Variants in NID2 observed in about 807,000 individuals in gnomAD.
NID2 encodes the protein nidogen 2, also known as nidogen-2.
A neutral mutation model predicts 145.4 loss-of-function variants in NID2; 83 were observed. That is an observed-to-expected ratio of 0.57 (90% CI 0.48 to 0.69). The LOEUF (loss-of-function observed/expected upper bound fraction) is 0.69, where lower values mean the gene tolerates loss of function less well. NID2 is among the 30% of genes least tolerant of loss of function. The pLI is 0.00. For synonymous variants in NID2, 739 were observed against 701.3 expected (o/e 1.05, Z -0.85); for missense variants, 1,807 against 1,765.7 (o/e 1.02, Z -0.42).
chr14:52,044,191 C>CCAT (rs1892391329), intron 5 of NID2, among the ~76,000 whole-genome samples: 1 of 151,912 alleles, frequency 6.6e-6, no homozygotes, highest in Non-Finnish European at 1.5e-5. Flanking sequence ...ATAAAGACCT[C>CCAT]CATCAGCAAA....
chr14:52,021,776 CA>C (rs1891407981), intron 12 of NID2, among the ~76,000 whole-genome samples: 1 of 152,192 alleles, frequency 6.6e-6, no homozygotes, highest in Non-Finnish European at 1.5e-5. Context: ...AGGGTAGAAA[CA>C]AACCAGATTG....
intron 11 of NID2, 165 bp downstream of exon 11, chr14:52,028,557 A>C (rs1232944836): frequency 1.4e-6 from 1 of 721,834 alleles, no homozygotes; most frequent in Non-Finnish European, 2.1e-6. Flanking sequence ...TACAGGCGTG[A>C]GCCACCACAT....
At chr14:52,057,028 A>C (rs1377022213) in intron 3 of NID2, among the ~76,000 whole-genome samples, 1 of 152,112 alleles carries the variant, frequency 6.6e-6, no homozygotes, top group Non-Finnish European at 1.5e-5. Flanking sequence ...TAGGAAAATA[A>C]CTTTACTCTT....
At chr14:52,042,952 G>A in intron 5 of NID2, 21 bp from the exon 6 acceptor site, 1 of 1,613,472 alleles carries the variant, frequency 6.2e-7, no homozygotes, top group Non-Finnish European at 8.5e-7. Context: ...AAACAAACTT[G>A]CCTTAAAAGG....
chr14:52,005,333 C>CAAAAGTCTTTTTGCACTACA lies in NID2; in HGVS notation c.*133_*152dup, dbSNP rs1175456825. On this transcript the variant is annotated 3_prime_UTR_variant, in exon 22 of 22. Transcript: ENST00000216286. ...TAAAGATTGAGGTATCAGCTTTTCACAAAAGTCTTTTTGCACTACAAAATG... is the reference window on the plus strand; with the variant it reads ...TAAAGATTGAGGTATCAGCTTTTCACAAAAGTCTTTTTGCACTACAAAAAGTCTTTTTGCACTACAAAATG... The CAAAAGTCTTTTTGCACTACA allele has an allele frequency of 1.4e-5, 8 of 589,178 alleles. No homozygotes were observed. Among genetic ancestry groups the CAAAAGTCTTTTTGCACTACA allele is most frequent in the South Asian group, 6.1e-5 (1 of 16,332 alleles). 36.5% of individuals were successfully genotyped at this position (589,178 alleles called of 1,614,324 possible). A position where few individuals can be genotyped will look rare whatever the true frequency, so the allele number is the denominator to read the frequency against.
intron 12 of NID2, among the ~76,000 whole-genome samples, chr14:52,022,379 G>A (rs957718679): frequency 2.6e-5 from 4 of 152,170 alleles, no homozygotes; most frequent in Admixed American, 2.0e-4. Context: ...CCCTGAATTC[G>A]CAGTCCTGAC....
chr14:52,063,996 A>G (rs1325924607), intron 2 of NID2, among the ~76,000 whole-genome samples: 1 of 152,156 alleles, frequency 6.6e-6, no homozygotes, highest in African/African-American at 2.4e-5. Context: ...ACCAATTTCC[A>G]TATATGTCTC....
At chr14:52,020,619 A>G (rs1379652603) in intron 12 of NID2, among the ~76,000 whole-genome samples, 1 of 152,132 alleles carries the variant, frequency 6.6e-6, no homozygotes, top group Non-Finnish European at 1.5e-5. Flanking sequence ...TCCCTGTAAC[A>G]TTCGTCTGTA....
chr14:52,024,780 G>A (rs1407439933), intron 12 of NID2, among the ~76,000 whole-genome samples: 1 of 151,946 alleles, frequency 6.6e-6, no homozygotes, highest in Non-Finnish European at 1.5e-5. Context: ...CAAAAATAGG[G>A]CAAATTAAAA....
At position 52,019,051 on chromosome 14, in the gene NID2, C is replaced by T. The variant is rs1291963383; in HGVS notation, c.3028+10G>A. On this transcript the variant is annotated intron_variant, in intron 14 of 21. Coordinates refer to ENST00000216286, the MANE Select transcript of NID2 (RefSeq NM_007361.4). ...CCATTCTGCTTCTTGAGCCCCAGGC[C>T]TAAGCTCACCTGGTGATGGTCCACA... The T allele has an allele frequency of 1.9e-6, 3 of 1,609,912 alleles. No individual in the cohort carries two copies. Among genetic ancestry groups the T allele is most frequent in the Non-Finnish European group, 2.5e-6 (3 of 1,176,774 alleles).
chr14:52,040,977 C>G, intron 7 of NID2, 126 bp from the exon 8 acceptor site: 1 of 785,242 alleles, frequency 1.3e-6, no homozygotes, highest in South Asian at 1.6e-5. Flanking sequence ...TATCTGATAT[C>G]TGAGAGTAAG....
chr14:52,046,908 G>A (rs1892518593), intron 5 of NID2, among the ~76,000 whole-genome samples: 1 of 152,164 alleles, frequency 6.6e-6, no homozygotes. Context: ...CTAATCCGGG[G>A]GAAGGCAAGC....
At chr14:52,060,479 T>C in intron 2 of NID2, 123 bp from the exon 3 acceptor site, 1 of 490,382 alleles carries the variant, frequency 2.0e-6, no homozygotes, top group Non-Finnish European at 3.4e-6. Context: ...CTTCCCCTTT[T>C]TCAGGATTCC....
chr14:52,064,360 C>T (rs1893117112), intron 2 of NID2, among the ~76,000 whole-genome samples: 1 of 152,220 alleles, frequency 6.6e-6, no homozygotes, highest in African/African-American at 2.4e-5. Flanking sequence ...GAGGTCACAT[C>T]TGGTGAGGGC....
At chr14:52,011,466 G>C in intron 17 of NID2, 88 bp downstream of exon 17, 2 of 1,553,806 alleles carry the variant, frequency 1.3e-6, no homozygotes, top group African/African-American at 1.4e-5. Context: ...CCCTAATGGA[G>C]AAAAATCGAG....
At position 52,008,696 on chromosome 14, in the gene NID2, A is replaced by G. The variant is rs1468988645; in HGVS notation, c.3723-729T>C. 3.3e-5 allele frequency: 5 copies of G among 152,302 alleles called. No individual in the cohort carries two copies. The East Asian group carries it at 7.7e-4, about 23-fold the overall frequency. 9.4% of individuals were successfully genotyped at this position (152,302 alleles called of 1,614,324 possible). On this transcript the variant is annotated intron_variant, in intron 18 of 21. Coordinates refer to ENST00000216286, the MANE Select transcript of NID2 (RefSeq NM_007361.4). ...AAACCCTCCGTTTGTTGAAGTCTTG[A>G]ATTGGATCTTGGGTTTTAGAATAGA...
Position 52,014,388 on chromosome 14 carries a change from C to G in NID2, c.3319G>C (p.Gly1107Arg). The G allele has an allele frequency of 6.2e-7, 1 of 1,614,146 alleles. No homozygotes were observed. The change falls in exon 16 of 22, where the codon GGC becomes CGC. Residue 1107 changes from glycine (G) to arginine (R), a missense_variant. Transcript: ENST00000216286. ...PRPDVTPPSV[G>R]TFLLYTQGQQ... The stretch of plus-strand genomic sequence containing the variant: ...CCCTGAGTATAGAGCAGGAAGGTGC[C>G]CACAGATGGAGGGGTCACATCTGGC...
chr14:52,029,754 AGAG>A, intron 9 of NID2, 64 bp from the exon 10 acceptor site: 1 of 1,443,174 alleles, frequency 6.9e-7, no homozygotes, highest in Non-Finnish European at 9.6e-7. Context: ...TCACGGAGAT[AGAG>A]GAGTCCTCGG....
intron 5 of NID2, among the ~76,000 whole-genome samples, chr14:52,049,420 T>G (rs1226536552): frequency 1.4e-5 from 2 of 147,428 alleles, no homozygotes; most frequent in Admixed American, 1.3e-4. Context: ...TTGGCCGGCC[T>G]GCCCTTCTTC....
Sources: allele counts gnomAD v4.1 joint callset (sites outside exome capture counted in the v4.1 genomes callset), GRCh38; gene constraint gnomAD v4.1.1; transcripts MANE v1.5; gene names NCBI Gene and HGNC (gene_info 2026-07-23, HGNC 2026-07-21).